Variants in ADAM10 observed in about 807,000 individuals in gnomAD.
ADAM10 encodes ADAM metallopeptidase domain 10.
A neutral mutation model predicts 90.1 loss-of-function variants in ADAM10; 17 were observed. That is an observed-to-expected ratio of 0.19 (90% CI 0.13 to 0.28). The LOEUF (loss-of-function observed/expected upper bound fraction) is 0.28. Ranked by LOEUF, ADAM10 falls within the 10% of genes least tolerant of loss-of-function variation. ADAM10 has a pLI of 1.00. For synonymous variants in ADAM10, 310 were observed against 298.6 expected (o/e 1.04, Z -0.40); for missense variants, 610 against 914.3 (o/e 0.67, Z 4.29).
At position 58,589,429 on chromosome 15, in the gene ADAM10, A is replaced by ACTAC. The variant is rs1391456304; in HGVS notation, c.*8114_*8117dup. The stretch of plus-strand genomic sequence containing the variant: ...CTGGGAAGTCATCTTGGCTCTTCCC[A>ACTAC]CTACCTACCTACCATGCTCGATATG... On this transcript the variant is annotated 3_prime_UTR_variant, in exon 16 of 16. Coordinates refer to ENST00000260408, the MANE Select transcript of ADAM10 (RefSeq NM_001110.4). 2 of 152,262 alleles carry ACTAC rather than the reference A, an allele frequency of 1.3e-5. No individual in the cohort carries two copies. Among genetic ancestry groups the ACTAC allele is most frequent in the African/African-American group, 4.8e-5 (2 of 41,442 alleles). 9.4% of individuals were successfully genotyped at this position (152,262 alleles called of 1,614,324 possible).
intron 2 of ADAM10, among the ~76,000 whole-genome samples, chr15:58,708,298 T>A: frequency 6.6e-6 from 1 of 152,104 alleles, no homozygotes; most frequent in Admixed American, 6.5e-5. Flanking sequence ...CTATAATTCC[T>A]TGCTTAGGAT....
chr15:58,646,657 C>T (rs1207358931), intron 5 of ADAM10, among the ~76,000 whole-genome samples: 2 of 152,220 alleles, frequency 1.3e-5, no homozygotes, highest in African/African-American at 4.8e-5. Flanking sequence ...GTTTAATCAA[C>T]CAATAGCCAC....
At position 58,627,682 on chromosome 15, in the gene ADAM10, T is replaced by C; in HGVS notation, c.1360+18A>G. The C allele has an allele frequency of 6.2e-7, 1 of 1,606,884 alleles. No individual in the cohort carries two copies. Among genetic ancestry groups the C allele is most frequent in the Non-Finnish European group, 8.5e-7 (1 of 1,174,108 alleles). ...GTTTGAAAATGTTCATAACAAAACG[T>C]TAGGAAAATATACATACCAACAAAA... On this transcript the variant is annotated intron_variant, in intron 10 of 15. Transcript: ENST00000260408.
rs1894809720 is a variant in ADAM10, at chr15:58,590,853, G to T, written c.*6694C>A. 1.3e-5 allele frequency: 2 copies of T among 151,962 alleles called. No individual in the cohort carries two copies. The highest frequency in any genetic ancestry group is 2.9e-5 in the Non-Finnish European group (2 of 68,000). The allele number at this position is 151,962 out of a possible 1,614,324, so 9.4% of individuals were successfully genotyped here. On this transcript the variant is annotated 3_prime_UTR_variant, in exon 16 of 16. Coordinates refer to ENST00000260408, the MANE Select transcript of ADAM10 (RefSeq NM_001110.4). ...TGATTTTTCTAAAATTCATGCAAATGGAACCACTTTTTATATAAGACAACC... is the reference window on the plus strand; with the variant it reads ...TGATTTTTCTAAAATTCATGCAAATTGAACCACTTTTTATATAAGACAACC...
chr15:58,633,593 A>C (rs1046602783), intron 8 of ADAM10, among the ~76,000 whole-genome samples: 32 of 152,222 alleles, frequency 2.1e-4, no homozygotes, highest in African/African-American at 7.5e-4. Flanking sequence ...CAGCCTTTAC[A>C]AAATGTTCTT....
chr15:58,622,914 C>T (rs994705211), intron 10 of ADAM10, among the ~76,000 whole-genome samples: 4 of 152,186 alleles, frequency 2.6e-5, no homozygotes, highest in African/African-American at 9.7e-5. Context: ...TTGCTAGGGA[C>T]CATATATCCC....
chr15:58,678,972 T>C (rs1849923652), intron 4 of ADAM10, 152 bp downstream of exon 4: 1 of 745,798 alleles, frequency 1.3e-6, no homozygotes, highest in Admixed American at 2.6e-5. Context: ...ATATATCTAC[T>C]ATTCCTTAAA....
In ADAM10 at chr15:58,597,255, A is replaced by T; in HGVS notation, c.*292T>A. 1.1e-6 allele frequency: 1 copy of T among 950,018 alleles called. No homozygotes were observed. The highest frequency in any genetic ancestry group is 1.8e-5 in the South Asian group (1 of 54,144). 58.8% of individuals were successfully genotyped at this position (950,018 alleles called of 1,614,324 possible). On this transcript the variant is annotated 3_prime_UTR_variant, in exon 16 of 16. Coordinates refer to ENST00000260408, the MANE Select transcript of ADAM10 (RefSeq NM_001110.4). ...GCAAGTGAAGAAAATGCAGCAACGA[A>T]GAACAGGGAACACGGGGCACATAAT...
chr15:58,632,668 T>G (rs1480863245), intron 9 of ADAM10, among the ~76,000 whole-genome samples: 1 of 152,196 alleles, frequency 6.6e-6, no homozygotes, highest in Non-Finnish European at 1.5e-5. Flanking sequence ...TATGTTAGAA[T>G]TTTTTCCTAA....
At chr15:58,623,207 T>C (rs1265177147) in intron 10 of ADAM10, among the ~76,000 whole-genome samples, 2 of 152,222 alleles carry the variant, frequency 1.3e-5, no homozygotes, top group African/African-American at 2.4e-5. Context: ...TTTATTTATA[T>C]GTGCAATATA....
chr15:58,616,143 T>C (rs1378792543), intron 11 of ADAM10, among the ~76,000 whole-genome samples: 1 of 152,150 alleles, frequency 6.6e-6, no homozygotes, highest in Admixed American at 6.5e-5. Flanking sequence ...GCAAATACTA[T>C]TAGATCTAAA....
intron 5 of ADAM10, among the ~76,000 whole-genome samples, chr15:58,662,956 T>G (rs1197915685): frequency 5.9e-5 from 9 of 152,228 alleles, no homozygotes; most frequent in Admixed American, 4.6e-4. Flanking sequence ...ATCTGAAATT[T>G]CGACTCCAGC....
intron 1 of ADAM10, among the ~76,000 whole-genome samples, chr15:58,719,773 G>A (rs1350186879): frequency 6.6e-6 from 1 of 152,036 alleles, no homozygotes; most frequent in Non-Finnish European, 1.5e-5. Flanking sequence ...ATCATTAGTT[G>A]TTTCCCAGAT....
At chr15:58,722,932 G>C (rs1321504606) in intron 1 of ADAM10, among the ~76,000 whole-genome samples, 1 of 151,610 alleles carries the variant, frequency 6.6e-6, no homozygotes, top group African/African-American at 2.4e-5. Context: ...GGGTCTCACT[G>C]TGTTGACCAG....
intron 2 of ADAM10, among the ~76,000 whole-genome samples, chr15:58,694,637 T>C (rs539168669): frequency 6.6e-6 from 1 of 151,960 alleles, no homozygotes; most frequent in South Asian, 2.1e-4. Context: ...TGAACACAAA[T>C]GTTAGCAGCA....
At position 58,731,206 on chromosome 15, in the gene ADAM10, CCA is replaced by C. The variant is rs753894755; in HGVS notation, c.56-13481_56-13480del. ...CAAAATACTGAAGGGGAAAAAAAAT[CCA>C]CAAAGTTCCAAAAGACAAAACCTGA... On this transcript the variant is annotated intron_variant, in intron 1 of 15. Coordinates refer to ENST00000260408, the MANE Select transcript of ADAM10 (RefSeq NM_001110.4). Among the ~76,000 whole-genome samples, 105 of 152,230 alleles carry C rather than the reference CCA, an allele frequency of 6.9e-4. 2 individuals carry two copies. Among genetic ancestry groups the C allele is most frequent in the Non-Finnish European group, 3.2e-4 (22 of 68,012 alleles).
At chr15:58,707,382 TAA>T (rs11315040) in intron 2 of ADAM10, 21 of 139,428 alleles carry the variant, frequency 1.5e-4, no homozygotes, top group East Asian at 2.0e-4. Flanking sequence ...AGACTCCATC[TAA>T]AAAAAAAAAA....
chr15:58,734,325 A>C (rs1418973431), intron 1 of ADAM10, among the ~76,000 whole-genome samples: 1 of 152,266 alleles, frequency 6.6e-6, no homozygotes, highest in African/African-American at 2.4e-5. Context: ...CCCATTTTAA[A>C]GAAAACTGAG....
At chr15:58,741,326 T>C (rs1241645681) in intron 1 of ADAM10, among the ~76,000 whole-genome samples, 1 of 146,048 alleles carries the variant, frequency 6.8e-6, no homozygotes, top group Non-Finnish European at 1.5e-5. Flanking sequence ...CCAACTTAAG[T>C]AAGAAAAAAA....
Sources: allele counts gnomAD v4.1 joint callset (sites outside exome capture counted in the v4.1 genomes callset), GRCh38; gene constraint gnomAD v4.1.1; transcripts MANE v1.5; gene names NCBI Gene and HGNC (gene_info 2026-07-23, HGNC 2026-07-21).